Variants in RPS24 observed in about 807,000 individuals in gnomAD.
RPS24 encodes the protein ribosomal protein S24.
For missense variants in RPS24, 100 were observed against 162.5 expected (o/e 0.62, Z 2.09); for synonymous variants, 72 against 55.6 (o/e 1.30, Z -1.31).
intron 4 of RPS24, chr10:78,048,920 T>A (rs1848072017): frequency 6.6e-6 from 1 of 151,584 alleles, no homozygotes; most frequent in African/African-American, 2.4e-5. Flanking sequence ...AGGCAAACAT[T>A]GTTAACTGCA....
downstream of RPS24, among the ~76,000 whole-genome samples, chr10:78,044,107 A>G (rs973902460): frequency 5.9e-5 from 9 of 152,234 alleles, no homozygotes; most frequent in African/African-American, 1.7e-4. Context: ...ATGTATATAT[A>G]GCAACAAACT....
exon 5 of RPS24, chr10:78,055,424 A>G (rs1391779589): frequency 6.0e-6 from 1 of 166,392 alleles, no homozygotes; most frequent in Non-Finnish European, 1.3e-5. Flanking sequence ...GGCGCCCAGA[A>G]CAATGCCTTG....
rs139614455 is a variant in RPS24 at position 78,045,963 on chromosome 10, C to A, written c.391-8568C>A. Among the ~76,000 whole-genome samples, 1,479 of 152,170 alleles carry A rather than the reference C, an allele frequency of 9.7e-3. 12 individuals carry two copies. The highest frequency in any genetic ancestry group is 0.017 in the Middle Eastern group (5 of 294). On this transcript the variant is annotated intron_variant, in intron 4 of 4. Transcript: ENST00000440692. Reference sequence around the variant, plus strand: ...GTTGCAGTGAGCCGAGACCATGCCACTGCACTCCAGCCTGGGTGACAGAGC... The same window carrying A: ...GTTGCAGTGAGCCGAGACCATGCCAATGCACTCCAGCCTGGGTGACAGAGC...
At chr10:78,053,996 C>T (rs1848126693) in intron 4 of RPS24, among the ~76,000 whole-genome samples, 1 of 152,100 alleles carries the variant, frequency 6.6e-6, no homozygotes, top group Non-Finnish European at 1.5e-5. Context: ...AGTCCTGGAG[C>T]ACCCTGGAGT....
rs115296895 is a variant in RPS24, at chr10:78,037,196, T to C, written c.282T>C (p.His94=). ...GGATGTACTCTTTTCTCATTCAGCA[T>C]GGCCTGTATGAGAAGAAAAAGACCT... The part of the protein sequence containing the change: ...KNEPKHRLAR[H]GLYEKKKTSR... The change falls in exon 4 of 6, where the codon CAT becomes CAC. Residue 94 remains histidine, a splice_region_variant and synonymous_variant. Transcript: ENST00000372360. 6.2e-7 allele frequency: 1 copy of C among 1,600,708 alleles called. No homozygotes were observed. The highest frequency in any genetic ancestry group is 2.2e-5 in the East Asian group (1 of 44,640).
intron 4 of RPS24, among the ~76,000 whole-genome samples, chr10:78,053,814 G>C (rs1412011680): frequency 1.3e-5 from 2 of 152,148 alleles, no homozygotes; most frequent in Admixed American, 6.5e-5. Context: ...TCTCCAGGTG[G>C]ACTCTTTGAG....
chr10:78,046,345 C>CTTTTTTT (rs1564631924), intron 4 of RPS24, among the ~76,000 whole-genome samples: 5 of 129,922 alleles, frequency 3.8e-5, no homozygotes, highest in African/African-American at 2.0e-4. Context: ...ATCTCATTTA[C>CTTTTTTT]CTTTTTTTTT....
At chr10:78,039,472 C>T (rs1057151616) in intron 4 of RPS24, 1 of 152,482 alleles carries the variant, frequency 6.6e-6, no homozygotes, top group Non-Finnish European at 1.5e-5. Flanking sequence ...CTGGAAAAAT[C>T]AATGCATTTG....
chr10:78,054,437 A>G, intron 4 of RPS24: 1 of 1,095,250 alleles, frequency 9.1e-7, no homozygotes, highest in South Asian at 1.7e-5. Flanking sequence ...CAAGTGAGGG[A>G]GGTGCAGAAT....
chr10:78,054,401 T>C, intron 4 of RPS24: 1 of 865,682 alleles, frequency 1.2e-6, no homozygotes, highest in South Asian at 1.9e-5. Flanking sequence ...GCTTTGGCTC[T>C]GACTGCTGCT....
chr10:78,042,851 C>G (rs908991763), downstream of RPS24, among the ~76,000 whole-genome samples: 1 of 152,164 alleles, frequency 6.6e-6, no homozygotes, highest in Non-Finnish European at 1.5e-5. Context: ...AATCAGGCAG[C>G]TTTCAACTCT....
chr10:78,037,805 C>G (rs1233645402), intron 4 of RPS24: 1 of 451,250 alleles, frequency 2.2e-6, no homozygotes, highest in Non-Finnish European at 3.6e-6. Flanking sequence ...AGCTTTTTAC[C>G]AGCTTTGCTA....
intron 4 of RPS24, among the ~76,000 whole-genome samples, chr10:78,053,367 GC>G (rs989697507): frequency 1.6e-4 from 25 of 152,066 alleles, no homozygotes; most frequent in African/African-American, 6.0e-4. Context: ...TTCCTTGAAT[GC>G]CCAGAGCCTG....
chr10:78,037,556 C>G (rs1288323784), intron 4 of RPS24: 1 of 504,320 alleles, frequency 2.0e-6, no homozygotes, highest in Non-Finnish European at 3.4e-6. Flanking sequence ...TTCATTGATC[C>G]CAGCTGGTGG....
At chr10:78,047,122 ATT>A (rs766002899) in intron 4 of RPS24, among the ~76,000 whole-genome samples, 1 of 142,700 alleles carries the variant, frequency 7.0e-6, no homozygotes, top group Admixed American at 7.0e-5. Context: ...CGCCTGGCTA[ATT>A]TTTTTTTTTT....
At chr10:78,053,905 G>C (rs1007674069) in intron 4 of RPS24, among the ~76,000 whole-genome samples, 1 of 152,128 alleles carries the variant, frequency 6.6e-6, no homozygotes, top group Non-Finnish European at 1.5e-5. Flanking sequence ...TGTCTACCAC[G>C]AACCAATTTG....
chr10:78,041,865 C>A (rs1847989262), downstream of RPS24, among the ~76,000 whole-genome samples: 1 of 152,142 alleles, frequency 6.6e-6, no homozygotes, highest in Non-Finnish European at 1.5e-5. Context: ...CTGCAGAGAG[C>A]CTGAATGATT....
At position 78,035,655 on chromosome 10, in the gene RPS24, T is replaced by C. The variant is rs771358270; in HGVS notation, c.214T>C (p.Phe72Leu). The C allele has an allele frequency of 6.2e-7, 1 of 1,607,288 alleles. No homozygotes were observed. Among genetic ancestry groups the C allele is most frequent in the Non-Finnish European group, 8.5e-7 (1 of 1,179,948 alleles). The stretch of plus-strand genomic sequence containing the variant: ...TTTTGGTGGTGGCAAGACAACTGGC[T>C]TTGGCATGATTTATGATTCCCTGGA... ...THFGGGKTTG[F>L]GMIYDSLDYA... The change falls in exon 3 of 6, where the codon TTT becomes CTT. Residue 72 changes from phenylalanine (F) to leucine (L), a missense_variant. Transcript: ENST00000372360.
At chr10:78,034,334 C>T (rs1439122678) in intron 1 of RPS24, 2 of 259,522 alleles carry the variant, frequency 7.7e-6, no homozygotes, top group African/African-American at 4.4e-5. Context: ...AAACCATTCC[C>T]ACGTGTAAGC....
Sources: allele counts gnomAD v4.1 joint callset (sites outside exome capture counted in the v4.1 genomes callset), GRCh38; gene constraint gnomAD v4.1.1; transcripts MANE v1.5; gene names NCBI Gene and HGNC (gene_info 2026-07-23, HGNC 2026-07-21).